Variants in TRPM6 observed in about 807,000 individuals in gnomAD.
The protein encoded by TRPM6 is channel kinase 2.
A neutral mutation model predicts 247.6 loss-of-function variants in TRPM6; 111 were observed. The observed-to-expected ratio is 0.45, with a 90% CI of 0.38 to 0.52. TRPM6 has a LOEUF of 0.52. TRPM6 is among the 20% of genes least tolerant of loss of function. TRPM6 has a pLI of 0.00. For missense variants in TRPM6, 2,126 were observed against 2,421.5 expected, an observed-to-expected ratio of 0.88 and a Z score of 2.56; for synonymous variants, 892 against 853.8, an observed-to-expected ratio of 1.04 and a Z score of -0.78.
chr9:74,751,536 A>T (rs1826246599), intron 29 of TRPM6, among the ~76,000 whole-genome samples: 1 of 152,248 alleles, frequency 6.6e-6, no homozygotes, highest in South Asian at 2.1e-4. Context: ...ATGTCTCAAC[A>T]GTTCTCAAGT....
At chr9:74,807,913 T>A (rs1828587229) in intron 14 of TRPM6, 121 bp downstream of exon 14, 1 of 1,111,458 alleles carries the variant, frequency 9.0e-7, no homozygotes, top group East Asian at 2.4e-5. Flanking sequence ...AGATAACAAA[T>A]GTCCATAAAT....
At chr9:74,752,392 TAGAAAATACA>T in intron 28 of TRPM6, 24 bp from the exon 29 acceptor site, 1 of 1,298,758 alleles carries the variant, frequency 7.7e-7, no homozygotes, top group South Asian at 1.2e-5. Context: ...AGAGAAAGAT[TAGAAAATACA>T]TGAAAATGTG....
At chr9:74,818,293 C>CTTTTTTTTTTTTTTTTTTT (rs1161401022) in intron 9 of TRPM6, among the ~76,000 whole-genome samples, 1 of 72,006 alleles carries the variant, frequency 1.4e-5, no homozygotes, top group African/African-American at 6.1e-5. Flanking sequence ...TCTATCATTT[C>CTTTTTTTTTTTTTTTTTTT]TTTTTTTTTT....
At chr9:74,777,871 T>TAG in intron 23 of TRPM6, among the ~76,000 whole-genome samples, 1 of 152,340 alleles carries the variant, frequency 6.6e-6, no homozygotes, top group African/African-American at 2.4e-5. Flanking sequence ...GTCGTGCATT[T>TAG]AGTTTTCTTT....
intron 31 of TRPM6, among the ~76,000 whole-genome samples, chr9:74,746,916 C>T (rs753146713): frequency 1.3e-5 from 2 of 151,934 alleles, no homozygotes; most frequent in African/African-American, 4.8e-5. Context: ...TTGTAAATGA[C>T]TTAAGATTTC....
chr9:74,794,797 G>A (rs1828030866), intron 18 of TRPM6, among the ~76,000 whole-genome samples: 1 of 151,804 alleles, frequency 6.6e-6, no homozygotes, highest in Non-Finnish European at 1.5e-5. Flanking sequence ...TTTTTTTACT[G>A]AGAAGAAGGT....
At position 74,782,353 on chromosome 9, in the gene TRPM6, A is replaced by G; in HGVS notation, c.3209+9T>C. ...ATTTAAATAATCATATTTAATTGAA[A>G]TAACCTACTTGAAGAAAGCAATCAA... On this transcript the variant is annotated intron_variant, in intron 23 of 38. Transcript: ENST00000360774. The G allele has an allele frequency of 6.3e-7, 1 of 1,589,742 alleles. No homozygotes were observed. The highest frequency in any genetic ancestry group is 1.1e-5 in the South Asian group (1 of 90,390).
chr9:74,743,964 T>A, intron 32 of TRPM6, 131 bp downstream of exon 32: 1 of 893,568 alleles, frequency 1.1e-6, no homozygotes, highest in Non-Finnish European at 1.8e-6. Context: ...GTTCTTCCCA[T>A]CAAAGTGAAC....
intron 30 of TRPM6, among the ~76,000 whole-genome samples, chr9:74,748,174 G>T (rs767543360): frequency 1.3e-5 from 2 of 152,110 alleles, no homozygotes; most frequent in South Asian, 4.1e-4. Flanking sequence ...ATGTCACAGC[G>T]CAATGCATTA....
intron 1 of TRPM6, among the ~76,000 whole-genome samples, chr9:74,874,206 A>G (rs938597038): frequency 4.0e-5 from 6 of 151,502 alleles, no homozygotes; most frequent in Non-Finnish European, 8.8e-5. Flanking sequence ...ACTGCACTCC[A>G]GCCTGGGTGA....
In TRPM6 at chr9:74,810,835, G is replaced by T. The variant is rs753758937; in HGVS notation, c.1477C>A (p.Leu493Ile). ...GTTACCTGTTTCACATCTTGGACGAGATGATGCAAGAGTGTATTAGTAGGT... is the reference window on the plus strand; with the variant it reads ...GTTACCTGTTTCACATCTTGGACGATATGATGCAAGAGTGTATTAGTAGGT... ...QGPTNTLLHH[L>I]VQDVKQHTLL... is the part of the protein sequence containing the mutation. The change falls in exon 13 of 39, where the codon CTC becomes ATC. Residue 493 changes from leucine to isoleucine, a missense_variant. Leu to Ile is a conservative substitution (Grantham distance 5). Transcript: ENST00000360774. The T allele has an allele frequency of 2.5e-6, 4 of 1,613,794 alleles. No homozygotes were observed. The East Asian group carries it at 6.7e-5, about 27-fold the overall frequency.
intron 1 of TRPM6, among the ~76,000 whole-genome samples, chr9:74,865,410 AT>A (rs1217052349): frequency 6.6e-6 from 1 of 152,232 alleles, no homozygotes; most frequent in Non-Finnish European, 1.5e-5. Context: ...AACATTTATA[AT>A]TTCAGATCTT....
intron 3 of TRPM6, among the ~76,000 whole-genome samples, chr9:74,845,836 C>A (rs753761317): frequency 6.6e-6 from 1 of 151,828 alleles, no homozygotes; most frequent in East Asian, 1.9e-4. Flanking sequence ...CAAAACAAAA[C>A]GAAAAGTAAG....
chr9:74,775,898 C>T lies in TRPM6; in HGVS notation c.3388G>A (p.Gly1130Ser), dbSNP rs755032561. Residue 1130 changes from glycine (G) to serine (S), a missense_variant, in exon 24 of 39, where the codon GGT (glycine) becomes AGT (serine). Gly to Ser is a moderately conservative substitution (Grantham distance 56). This residue lies in a region of TRPM6 where 717 missense variants were observed against 715.9 expected (regional missense o/e 1.00). Coordinates refer to ENST00000360774, the MANE Select transcript of TRPM6 (RefSeq NM_017662.5). ...AACAACTTACTTAATCCAACGTCACCCTCTTCTTGGTCGTGAGGAGCTCGA... is the reference window on the plus strand; with the variant it reads ...AACAACTTACTTAATCCAACGTCACTCTCTTCTTGGTCGTGAGGAGCTCGA... ...CHRAPHDQEE[G>S]DVGLKLYLSK... 4.3e-6 allele frequency: 7 copies of T among 1,614,148 alleles called. No homozygotes were observed. The highest frequency in any genetic ancestry group is 1.7e-5 in the Admixed American group (1 of 60,024).
intron 28 of TRPM6, among the ~76,000 whole-genome samples, 164 bp from the exon 29 acceptor site, chr9:74,752,532 T>C (rs1362714733): frequency 6.6e-6 from 1 of 152,204 alleles, no homozygotes; most frequent in East Asian, 1.9e-4. Context: ...TTATCCTTTT[T>C]TTCTCAAGAG....
chr9:74,827,522 T>C (rs1829380432), intron 7 of TRPM6, among the ~76,000 whole-genome samples: 1 of 151,534 alleles, frequency 6.6e-6, no homozygotes, highest in Non-Finnish European at 1.5e-5. Flanking sequence ...GGATGACAGT[T>C]GAGAGAGAGG....
At chr9:74,810,042 G>A (rs1476727458) in intron 13 of TRPM6, among the ~76,000 whole-genome samples, 3 of 145,656 alleles carry the variant, frequency 2.1e-5, no homozygotes, top group Non-Finnish European at 3.0e-5. Context: ...CTCTCTCCAC[G>A]TCAACATAAA....
At chr9:74,845,298 T>C (rs1830074175) in intron 3 of TRPM6, among the ~76,000 whole-genome samples, 1 of 152,108 alleles carries the variant, frequency 6.6e-6, no homozygotes, top group Non-Finnish European at 1.5e-5. Context: ...TAAAGTAACA[T>C]ACATGAGGTA....
At chr9:74,742,707 C>CA (rs1825903320) in intron 32 of TRPM6, 81 bp from the exon 33 acceptor site, 1 of 1,145,860 alleles carries the variant, frequency 8.7e-7, no homozygotes, top group Admixed American at 1.8e-5. Flanking sequence ...TCAATATATT[C>CA]ATATAATGCT....
Sources: gnomAD v4.1 joint callset for allele counts (sites outside exome capture counted in the v4.1 genomes callset) on GRCh38, gnomAD v4.1.1 for gene constraint, gnomAD v4.1.1 regional missense constraint, MANE v1.5 for transcripts, NCBI Gene and HGNC (gene_info 2026-07-23, HGNC 2026-07-21) for gene names.